The following PDE1A variants were observed in gnomAD, a reference collection of about 807,000 sequenced individuals.
PDE1A encodes the protein phosphodiesterase 1A, also known as dual specificity calcium/calmodulin-dependent 3',5'-cyclic nucleotide phosphodiesterase 1A.
PDE1A carries 35 observed loss-of-function variants against 61.7 expected under a neutral mutation model. That is an observed-to-expected ratio of 0.57 (90% confidence interval 0.43 to 0.75). The LOEUF is 0.75. Among genes scored for constraint, PDE1A ranks in the 30% least tolerant of loss-of-function variants. The probability of loss-of-function intolerance (pLI) is 0.00; values close to 1 mark genes in which losing one functional copy is unlikely to be tolerated. For missense variants in PDE1A, 597 were observed against 630.6 expected, an observed-to-expected ratio of 0.95 and a Z score of 0.57; for synonymous variants, 232 against 213.2, an observed-to-expected ratio of 1.09 and a Z score of -0.77.
At chr2:182,582,397 C>G in the PDE1A span, among the ~76,000 whole-genome samples, 6 of 152,254 alleles carry the variant, frequency 3.9e-5, no homozygotes, top group South Asian at 1.2e-3. Context: ...GTCTCTGCTT[C>G]CAAGGAACCC....
At chr2:182,282,530 C>T (rs1183170149) in intron 1 of PDE1A, among the ~76,000 whole-genome samples, 1 of 151,978 alleles carries the variant, frequency 6.6e-6, no homozygotes, top group Non-Finnish European at 1.5e-5. Context: ...CAAATTTCAA[C>T]TCTCAGCTCT....
At chr2:182,575,210 C>T in the PDE1A span, among the ~76,000 whole-genome samples, 6 of 152,100 alleles carry the variant, frequency 3.9e-5, no homozygotes, top group South Asian at 2.1e-4. Flanking sequence ...GGGCTGTTGT[C>T]GTTTCCCATT....
rs1004255053 is a variant in PDE1A at position 182,364,490 on chromosome 2, A to C, written c.53+62088T>G. 3.1e-3 allele frequency among the ~76,000 whole-genome samples: 449 copies of C among 144,080 alleles called. 3 individuals carry two copies. The highest frequency in any genetic ancestry group is 0.011 in the African/African-American group (423 of 39,988). The allele number at this position is 144,080 out of a possible 152,430, so 94.5% of individuals were successfully genotyped here. A position where few individuals can be genotyped will look rare whatever the true frequency, so the allele number is the denominator to read the frequency against. On this transcript the variant is annotated intron_variant, in intron 1 of 13. Transcript: ENST00000351439. The stretch of plus-strand genomic sequence containing the variant: ...GTAAAAAAAAAAAAAAAAAAAAAAA[A>C]AAAAAAAAACCTTATTCTGAATTAT...
At chr2:182,701,304 G>A in the PDE1A span, among the ~76,000 whole-genome samples, 1 of 151,760 alleles carries the variant, frequency 6.6e-6, no homozygotes, top group Non-Finnish European at 1.5e-5. Flanking sequence ...CAAAGTGCTG[G>A]GATTACAGGT....
chr2:182,716,726 C>A, the PDE1A span, among the ~76,000 whole-genome samples: 1 of 152,358 alleles, frequency 6.6e-6, no homozygotes, highest in African/African-American at 2.4e-5. Flanking sequence ...ACTTCAGACA[C>A]CAGCAACACT....
the PDE1A span, among the ~76,000 whole-genome samples, chr2:182,668,566 A>C: frequency 6.6e-6 from 1 of 152,110 alleles, no homozygotes; most frequent in Non-Finnish European, 1.5e-5. Flanking sequence ...GCCCAAACTG[A>C]GGTTCAAGGG....
chr2:182,453,791 A>T (rs941227898), intron 2 of PDE1A, among the ~76,000 whole-genome samples: 4 of 152,204 alleles, frequency 2.6e-5, no homozygotes, highest in Non-Finnish European at 5.9e-5. Context: ...GCTATCTATG[A>T]AAAACCCACA....
At chr2:182,599,132 A>C in the PDE1A span, among the ~76,000 whole-genome samples, 1 of 151,978 alleles carries the variant, frequency 6.6e-6, no homozygotes, top group Non-Finnish European at 1.5e-5. Flanking sequence ...TGCATCCTGC[A>C]CTCTTGGGAG....
intron 2 of PDE1A, among the ~76,000 whole-genome samples, chr2:182,462,179 A>T (rs369149280): frequency 2.8e-3 from 427 of 152,094 alleles, no homozygotes; most frequent in South Asian, 0.021. Flanking sequence ...CGGGGAGGGA[A>T]AGCATTAGGA....
chr2:182,404,056 T>TAA (rs551946996), intron 1 of PDE1A, among the ~76,000 whole-genome samples: 3 of 130,974 alleles, frequency 2.3e-5, no homozygotes, highest in African/African-American at 8.4e-5. Context: ...ATTTTTTTTT[T>TAA]AAAAAAAGTC....
chr2:182,535,443 G>C, the PDE1A span, among the ~76,000 whole-genome samples: 1 of 151,816 alleles, frequency 6.6e-6, no homozygotes, highest in South Asian at 2.1e-4. Context: ...TATATTGTAT[G>C]GCTATTATGC....
the PDE1A span, among the ~76,000 whole-genome samples, chr2:182,706,880 A>G: frequency 6.6e-6 from 1 of 152,196 alleles, no homozygotes; most frequent in African/African-American, 2.4e-5. Flanking sequence ...TTTCTCTTTA[A>G]AGTAGAATGA....
At chr2:182,604,064 G>A in the PDE1A span, among the ~76,000 whole-genome samples, 1 of 151,800 alleles carries the variant, frequency 6.6e-6, no homozygotes, top group Non-Finnish European at 1.5e-5. Flanking sequence ...AAGTATACAT[G>A]CCCAGAACTA....
At chr2:182,367,457 T>C (rs1699898621) in intron 1 of PDE1A, among the ~76,000 whole-genome samples, 1 of 151,926 alleles carries the variant, frequency 6.6e-6, no homozygotes, top group African/African-American at 2.4e-5. Flanking sequence ...TTAAAACCTG[T>C]ATTAAACATT....
rs542201295 is a variant in PDE1A, at chr2:182,382,880, T to C, written c.53+43698A>G. Reference sequence around the variant, plus strand: ...AATTATAGCATTTTGTGTAAGTTAATAATTAAAAGTCTGAAAAGCATGTAT... The same window carrying C: ...AATTATAGCATTTTGTGTAAGTTAACAATTAAAAGTCTGAAAAGCATGTAT... On this transcript the variant is annotated intron_variant, in intron 1 of 13. Coordinates refer to ENST00000351439, the Ensembl canonical transcript of PDE1A. 5.3e-5 allele frequency among the ~76,000 whole-genome samples: 8 copies of C among 152,312 alleles called. No individual in the cohort carries two copies. In the South Asian group the frequency reaches 1.7e-3, roughly 32 times the overall value.
chr2:182,285,194 G>C (rs561633864), intron 1 of PDE1A, among the ~76,000 whole-genome samples: 1 of 152,050 alleles, frequency 6.6e-6, no homozygotes, highest in Non-Finnish European at 1.5e-5. Context: ...TATATCTAAG[G>C]ATACTCCTTG....
the PDE1A span, among the ~76,000 whole-genome samples, chr2:182,712,859 T>C: frequency 1.3e-5 from 2 of 152,122 alleles, no homozygotes; most frequent in African/African-American, 2.4e-5. Flanking sequence ...CCTGGCTCAG[T>C]TTTTTTAAAT....
At chr2:182,598,558 G>A in the PDE1A span, among the ~76,000 whole-genome samples, 1 of 140,842 alleles carries the variant, frequency 7.1e-6, no homozygotes. Flanking sequence ...GCGCAACTCT[G>A]TCTCAAAAAA....
intron 1 of PDE1A, among the ~76,000 whole-genome samples, chr2:182,378,978 T>C (rs1700572184): frequency 6.6e-6 from 1 of 152,170 alleles, no homozygotes; most frequent in Middle Eastern, 3.2e-3. Flanking sequence ...TCTCAGCATG[T>C]CCCCAAGGGC....
Sources: gnomAD v4.1 joint callset for allele counts (sites outside exome capture counted in the v4.1 genomes callset) on GRCh38, gnomAD v4.1.1 for gene constraint, MANE v1.5 for transcripts, NCBI Gene and HGNC (gene_info 2026-07-23, HGNC 2026-07-21) for gene names.